NUFIP1: variants seen among roughly 807,000 people sequenced by gnomAD.
The protein encoded by NUFIP1 is FMR1-interacting protein NUFIP1.
NUFIP1 carries 38 observed loss-of-function variants against 56.2 expected under a neutral mutation model. The ratio of observed to expected loss-of-function variants is 0.68; its 90% CI spans 0.52 to 0.89. The LOEUF (loss-of-function observed/expected upper bound fraction) is 0.89, where lower values mean the gene tolerates loss of function less well. Ranked by LOEUF, NUFIP1 falls within the 40% of genes least tolerant of loss-of-function variation. The pLI, the probability that NUFIP1 is intolerant of heterozygous loss-of-function variation, is 0.00. For synonymous variants in NUFIP1, 215 were observed against 212.4 expected (o/e 1.01, Z -0.10); for missense variants, 567 against 605.8 (o/e 0.94, Z 0.67).
chr13:44,974,696 T>C (rs1387364455), intron 5 of NUFIP1, among the ~76,000 whole-genome samples: 1 of 152,194 alleles, frequency 6.6e-6, no homozygotes, highest in Non-Finnish European at 1.5e-5. Flanking sequence ...GGACTACAAG[T>C]GCCCACCGCT....
intron 7 of NUFIP1, among the ~76,000 whole-genome samples, chr13:44,953,240 ATGTTAAAACC>A (rs1198962012): frequency 6.6e-6 from 1 of 152,198 alleles, no homozygotes. Flanking sequence ...TTTTCGACAT[ATGTTAAAACC>A]ATGGTAATTA....
chr13:44,989,469 T>G lies in NUFIP1; in HGVS notation c.-33A>C, dbSNP rs757287717. 1 of 1,608,992 alleles carries G rather than the reference T, an allele frequency of 6.2e-7. No individual in the cohort carries two copies. ...GCGGGTCCGGAGTCTAGCACGCGACTGTGGAGCAAGCATTAGGCGTCACTT... is the reference window on the plus strand; with the variant it reads ...GCGGGTCCGGAGTCTAGCACGCGACGGTGGAGCAAGCATTAGGCGTCACTT... On this transcript the variant is annotated 5_prime_UTR_variant, in exon 1 of 10. Coordinates refer to ENST00000379161, the MANE Select transcript of NUFIP1 (RefSeq NM_012345.3).
intron 9 of NUFIP1, 51 bp downstream of exon 9, chr13:44,943,391 T>C (rs1336600741): frequency 4.0e-6 from 6 of 1,514,426 alleles, no homozygotes; most frequent in African/African-American, 2.7e-5. Flanking sequence ...AGTGGCTCTA[T>C]CTTTATGATG....
At chr13:44,980,022 C>G in intron 3 of NUFIP1, 70 bp from the exon 4 acceptor site, 1 of 1,045,404 alleles carries the variant, frequency 9.6e-7, no homozygotes. Context: ...CCCCACTATA[C>G]ATACACAGAC....
chr13:44,969,819 C>T (rs556572330), intron 5 of NUFIP1, among the ~76,000 whole-genome samples: 2 of 152,260 alleles, frequency 1.3e-5, no homozygotes, highest in African/African-American at 4.8e-5. Flanking sequence ...GCTCAAATCA[C>T]GACCCATTTA....
At chr13:44,943,290 T>A (rs1483670345) in intron 9 of NUFIP1, 152 bp downstream of exon 9, 2 of 626,262 alleles carry the variant, frequency 3.2e-6, no homozygotes, top group Non-Finnish European at 5.6e-6. Context: ...ATGCCAAATG[T>A]AGCTACAGAA....
At chr13:44,976,464 AAAG>A (rs776730965) in intron 5 of NUFIP1, among the ~76,000 whole-genome samples, 1 of 151,852 alleles carries the variant, frequency 6.6e-6, no homozygotes, top group Non-Finnish European at 1.5e-5. Context: ...GGAAGAAGAA[AAAG>A]AAGAATAACA....
intron 7 of NUFIP1, among the ~76,000 whole-genome samples, chr13:44,952,749 T>G (rs1475927703): frequency 1.3e-5 from 2 of 152,264 alleles, no homozygotes; most frequent in African/African-American, 4.8e-5. Flanking sequence ...AACTATAGAC[T>G]GTAATGTAAT....
intron 8 of NUFIP1, among the ~76,000 whole-genome samples, chr13:44,946,427 G>A (rs1016097971): frequency 6.6e-6 from 1 of 151,988 alleles, no homozygotes; most frequent in Non-Finnish European, 1.5e-5. Flanking sequence ...CATAATTTTG[G>A]GGAGTTGTAA....
chr13:44,943,069 T>C (rs574319594), intron 9 of NUFIP1, among the ~76,000 whole-genome samples: 1 of 152,292 alleles, frequency 6.6e-6, no homozygotes, highest in East Asian at 1.9e-4. Flanking sequence ...CTTTCCTTTT[T>C]GTTACTGTAT....
At chr13:44,971,583 C>T (rs1871805188) in intron 5 of NUFIP1, among the ~76,000 whole-genome samples, 1 of 152,166 alleles carries the variant, frequency 6.6e-6, no homozygotes, top group Non-Finnish European at 1.5e-5. Flanking sequence ...TATTCTCCCC[C>T]ATTCCTTAAC....
intron 1 of NUFIP1, 82 bp downstream of exon 1, chr13:44,988,943 A>C: frequency 7.2e-7 from 1 of 1,389,116 alleles, no homozygotes; most frequent in Non-Finnish European, 1.0e-6. Context: ...AAGGCAGAGT[A>C]GAGAGAGGAA....
chr13:44,976,302 AAGG>A (rs1871974052), intron 5 of NUFIP1, among the ~76,000 whole-genome samples: 1 of 151,846 alleles, frequency 6.6e-6, no homozygotes. Flanking sequence ...AAGGAAGGAG[AAGG>A]AGAAGAAAGG....
chr13:44,956,158 A>AAAAAAAAG (rs754747222), intron 7 of NUFIP1, among the ~76,000 whole-genome samples: 2 of 150,934 alleles, frequency 1.3e-5, no homozygotes, highest in Non-Finnish European at 1.5e-5. Flanking sequence ...AAAAAAAAAA[A>AAAAAAAAG]AAAAGAATCT....
intron 6 of NUFIP1, among the ~76,000 whole-genome samples, chr13:44,961,984 A>C (rs1185175580): frequency 1.3e-5 from 2 of 152,232 alleles, no homozygotes; most frequent in Non-Finnish European, 2.9e-5. Context: ...ACGACTTGAC[A>C]ATCATTTGAA....
In NUFIP1 at chr13:44,989,150, T is replaced by C. The variant is rs1230276693; in HGVS notation, c.287A>G (p.Gln96Arg). The C allele has an allele frequency of 6.8e-6, 11 of 1,613,826 alleles. No homozygotes were observed. The highest frequency in any genetic ancestry group is 1.3e-5 in the African/African-American group (1 of 74,982). ...LPGAQPPFDAQSPLDSQPQPS... is the reference protein window; with the variant it reads ...LPGAQPPFDARSPLDSQPQPS... Reference sequence around the variant, plus strand: ...TTGAGGCTGAGAATCAAGGGGAGACTGGGCGTCGAAGGGGGGTTGCGCCCC... The same window carrying C: ...TTGAGGCTGAGAATCAAGGGGAGACCGGGCGTCGAAGGGGGGTTGCGCCCC... The change falls in exon 1 of 10, where the codon CAG becomes CGG. Residue 96 changes from glutamine to arginine, a missense_variant. Transcript: ENST00000379161.
In NUFIP1 at chr13:44,979,337, T is replaced by C. The variant is rs530112004; in HGVS notation, c.658-71A>G. The C allele has an allele frequency of 4.0e-5, 49 of 1,231,372 alleles. No homozygotes were observed. In the African/African-American group the frequency reaches 6.6e-4, roughly 17 times the overall value. The allele number at this position is 1,231,372 out of a possible 1,614,324, so 76.3% of individuals were successfully genotyped here. A position where few individuals can be genotyped will look rare whatever the true frequency, so the allele number is the denominator to read the frequency against. On this transcript the variant is annotated intron_variant, in intron 4 of 9. Transcript: ENST00000379161. ...CTTTTGACTAACTTGGAGACTTTGT[T>C]TCTACAAGTAAACTTATGTTGGACA...
At chr13:44,963,075 T>C (rs1025225150) in intron 6 of NUFIP1, among the ~76,000 whole-genome samples, 1 of 151,054 alleles carries the variant, frequency 6.6e-6, no homozygotes, top group Non-Finnish European at 1.5e-5. Flanking sequence ...CCCCCATCCC[T>C]CCTCCACCAA....
chr13:44,968,868 T>C (rs1352359533), intron 5 of NUFIP1, among the ~76,000 whole-genome samples: 1 of 152,192 alleles, frequency 6.6e-6, no homozygotes, highest in Non-Finnish European at 1.5e-5. Context: ...AGCAAGTGGA[T>C]TTTAGGTAAG....
Sources: allele counts gnomAD v4.1 joint callset (sites outside exome capture counted in the v4.1 genomes callset), GRCh38; gene constraint gnomAD v4.1.1; transcripts MANE v1.5; gene names NCBI Gene and HGNC (gene_info 2026-07-23, HGNC 2026-07-21).